The following IDUA variants were observed in gnomAD, a reference collection of about 807,000 sequenced individuals.
The protein encoded by IDUA is iduronidase alpha-L-.
IDUA carries 65 observed loss-of-function variants against 68.9 expected under a neutral mutation model. The ratio of observed to expected loss-of-function variants is 0.94; its 90% CI spans 0.77 to 1.16. The LOEUF (loss-of-function observed/expected upper bound fraction) is 1.16. IDUA is among the 50% of genes most tolerant of loss of function. IDUA has a pLI of 0.00. For missense variants in IDUA, 1,046 were observed against 938.0 expected (o/e 1.12, Z -1.50); for synonymous variants, 529 against 433.6 (o/e 1.22, Z -2.73).
Position 987,889 on chromosome 4 carries a change from T to C in IDUA, c.239T>C (p.Val80Ala), listed in dbSNP as rs1283637061. Residue 80 changes from valine to alanine, a missense_variant, in exon 2 of 14, where the codon GTC (valine) becomes GCC (alanine). Physicochemically the swap from Val to Ala is moderately conservative, Grantham distance 64. Transcript: ENST00000514224. Reference protein sequence around the residue: ...QQLNLAYVGAVPHRGIKQVRT... With the variant: ...QQLNLAYVGAAPHRGIKQVRT... ...CTCAACCTCGCCTATGTGGGCGCCG[T>C]CCCTCACCGCGGCATCAAGCAGGTC... 1 of 1,610,692 alleles carries C rather than the reference T, an allele frequency of 6.2e-7. No homozygotes were observed. The highest frequency in any genetic ancestry group is 8.5e-7 in the Non-Finnish European group (1 of 1,179,214).
At position 987,792 on chromosome 4, in the gene IDUA, C is replaced by T; in HGVS notation, c.159-17C>T. The T allele has an allele frequency of 1.9e-6, 3 of 1,611,964 alleles. No homozygotes were observed. The highest frequency in any genetic ancestry group is 2.5e-6 in the Non-Finnish European group (3 of 1,179,734). ...ATGCTGAGGCTCGGGACTGAGCCGC[C>T]CCTTTGTTGTCCCCAGCCCCCCGCT... is the stretch of plus-strand genomic sequence containing the variant. On this transcript the variant is annotated splice_polypyrimidine_tract_variant and intron_variant, in intron 1 of 13. Coordinates refer to ENST00000514224, the MANE Select transcript of IDUA (RefSeq NM_000203.5).
In IDUA at chr4:1,001,511, GTGGAA is replaced by G; in HGVS notation, c.540_544del (p.Trp180Ter). 3.7e-6 allele frequency: 6 copies of G among 1,613,238 alleles called. No homozygotes were observed. Among genetic ancestry groups the G allele is most frequent in the Non-Finnish European group, 5.1e-6 (6 of 1,179,966 alleles). ...ATGTTTCCAAGTGGAACTTCGAGAC[GTGGAA>G]TGAGCCAGACCACCACGACTTTGAC... On this transcript the variant is annotated frameshift_variant, in exon 5 of 14. Coordinates refer to ENST00000514224, the MANE Select transcript of IDUA (RefSeq NM_000203.5). LOFTEE classifies it high-confidence loss of function.
At chr4:987,599 C>T (rs886295304) in intron 1 of IDUA, 4 of 1,422,166 alleles carry the variant, frequency 2.8e-6, no homozygotes, top group Non-Finnish European at 3.7e-6. Flanking sequence ...CCAGGGCTGG[C>T]GTTGGCCCCT....
chr4:990,225 C>T, intron 2 of IDUA: 1 of 1,569,202 alleles, frequency 6.4e-7, no homozygotes, highest in Non-Finnish European at 8.6e-7. Context: ...GCCCCTGGTG[C>T]CGCGGGATCC....
At chr4:989,539 C>T in intron 2 of IDUA, 2 of 1,564,436 alleles carry the variant, frequency 1.3e-6, no homozygotes, top group Non-Finnish European at 1.7e-6. Flanking sequence ...GTCAGCCGGG[C>T]TCATCCGCCA....
In IDUA at chr4:1,003,543, C is replaced by T. The variant is rs1268730017; in HGVS notation, c.1651-6C>T. The T allele has an allele frequency of 6.2e-7, 1 of 1,611,408 alleles. No homozygotes were observed. Among genetic ancestry groups the T allele is most frequent in the Non-Finnish European group, 8.5e-7 (1 of 1,179,724 alleles). ...CCGACGCCATCACAGCCCTTCCCTC[C>T]CCCAGGTCACGCGGCTCCGCGCCCT... On this transcript the variant is annotated splice_polypyrimidine_tract_variant and splice_region_variant and intron_variant, in intron 11 of 13. Transcript: ENST00000514224.
rs772448566 is a variant in IDUA at position 1,002,350 on chromosome 4, T to C, written c.1054T>C (p.Phe352Leu). The change falls in exon 8 of 14, where the codon TTC becomes CTC. Residue 352 changes from phenylalanine (F) to leucine (L), a missense_variant. Physicochemically the swap from Phe to Leu is conservative, Grantham distance 22. Transcript: ENST00000514224. ...PYALLSNDNAFLSYHPHPFAQ... is the reference protein window; with the variant it reads ...PYALLSNDNALLSYHPHPFAQ... ...CGCGCTCCTGAGCAACGACAATGCCTTCCTGAGCTACCACCCGCACCCCTT... is the reference window on the plus strand; with the variant it reads ...CGCGCTCCTGAGCAACGACAATGCCCTCCTGAGCTACCACCCGCACCCCTT... 6.2e-7 allele frequency: 1 copy of C among 1,613,066 alleles called. No homozygotes were observed. The highest frequency in any genetic ancestry group is 8.5e-7 in the Non-Finnish European group (1 of 1,179,672).
chr4:997,653 C>T (rs1037683285), intron 2 of IDUA, among the ~76,000 whole-genome samples: 3 of 152,208 alleles, frequency 2.0e-5, no homozygotes, highest in Admixed American at 6.5e-5. Context: ...GGCTCGTCTG[C>T]GTCTCCGGCC....
At position 988,161 on chromosome 4, in the gene IDUA, C is replaced by G; in HGVS notation, c.299+212C>G. 3.6e-6 allele frequency: 5 copies of G among 1,396,946 alleles called. No homozygotes were observed. The South Asian group carries it at 6.5e-5, about 18-fold the overall frequency. The allele number at this position is 1,396,946 out of a possible 1,614,324, so 86.5% of individuals were successfully genotyped here. A position where few individuals can be genotyped will look rare whatever the true frequency, so the allele number is the denominator to read the frequency against. On this transcript the variant is annotated intron_variant, in intron 2 of 13. Transcript: ENST00000514224. ...GGGGCACGGTGGGCTTCCTGCAGGT[C>G]TCCCTGCAGGCTCAGGGTTGGCTGC...
chr4:1,002,171 C>T lies in IDUA; in HGVS notation c.972+10C>T. On this transcript the variant is annotated intron_variant, in intron 7 of 13. Transcript: ENST00000514224. ...GGCCATGGTGGTGAAGGTGGGCCGGCCCAACGCCCTGCGCGCCCCCCGGCC... is the reference window on the plus strand; with the variant it reads ...GGCCATGGTGGTGAAGGTGGGCCGGTCCAACGCCCTGCGCGCCCCCCGGCC... 7.7e-6 allele frequency: 12 copies of T among 1,556,558 alleles called. No homozygotes were observed. The highest frequency in any genetic ancestry group is 9.6e-6 in the Non-Finnish European group (11 of 1,150,674).
intron 2 of IDUA, chr4:990,773 TC>T (rs1355658169): frequency 2.7e-6 from 1 of 375,210 alleles, no homozygotes; most frequent in East Asian, 4.6e-5. Context: ...CAGGAGACCT[TC>T]GGGGGTGGGG....
chr4:1,003,413 G>A lies in IDUA; in HGVS notation c.1593G>A (p.Arg531=). The stretch of plus-strand genomic sequence containing the variant: ...GCCTGACCCTGCGCCCCGCGCTGCG[G>A]CTGCCGTCGCTTTTGCTGGTGCACG... ...GGRLTLRPAL[R]LPSLLLVHVC... is the part of the protein sequence containing the mutation. Residue 531 remains arginine, a synonymous_variant, in exon 11 of 14, where the codon CGG becomes CGA. Transcript: ENST00000514224. 3 of 1,526,840 alleles carry A rather than the reference G, an allele frequency of 2.0e-6. No individual in the cohort carries two copies. Among genetic ancestry groups the A allele is most frequent in the South Asian group, 2.4e-5 (2 of 83,316 alleles). The allele number at this position is 1,526,840 out of a possible 1,614,324, so 94.6% of individuals were successfully genotyped here.
Position 1,004,329 on chromosome 4 carries a change from C to A in IDUA, c.1898C>A (p.Ser633Ter), listed in dbSNP as rs886043347. Residue 633 changes from serine (S) to a stop codon, truncating the protein, a stop_gained, in exon 14 of 14, where the codon TCG becomes TAG. Coordinates refer to ENST00000514224, the MANE Select transcript of IDUA (RefSeq NM_000203.5). LOFTEE classifies it low-confidence loss of function (END_TRUNC). The surrounding 1 kb of genome is among the most constrained non-coding windows in gnomAD (Gnocchi z 5.0). ...TACTGGGCCCGACCAGGCCCCTTCT[C>A]GGACCCTGTGCCGTACCTGGAGGTC... ...LDYWARPGPFSDPVPYLEVPV... is the reference protein window; with the variant it reads ...LDYWARPGPF 3 of 1,611,776 alleles carry A rather than the reference C, an allele frequency of 1.9e-6. No homozygotes were observed. The highest frequency in any genetic ancestry group is 2.5e-6 in the Non-Finnish European group (3 of 1,179,922).
At chr4:994,805 T>C (rs961438037) in intron 2 of IDUA, among the ~76,000 whole-genome samples, 3 of 152,034 alleles carry the variant, frequency 2.0e-5, no homozygotes, top group Non-Finnish European at 2.9e-5. Flanking sequence ...TGTGTGCCTG[T>C]ATCCCAGCTA....
At chr4:987,571 T>C in intron 1 of IDUA, 1 of 1,351,866 alleles carries the variant, frequency 7.4e-7, no homozygotes, top group Non-Finnish European at 9.8e-7. Flanking sequence ...GGTACCCGCC[T>C]TCCTGGCAGG....
chr4:989,611 G>C, intron 2 of IDUA: 1 of 1,602,348 alleles, frequency 6.2e-7, no homozygotes. Context: ...GATGACGCAG[G>C]CCAGCACGCT....
intron 2 of IDUA, chr4:988,395 G>C: frequency 9.4e-7 from 1 of 1,059,356 alleles, no homozygotes; most frequent in Non-Finnish European, 1.1e-6. Flanking sequence ...GAAACACAGA[G>C]ACCCTCGTGC....
intron 10 of IDUA, 78 bp from the exon 11 acceptor site, chr4:1,003,267 C>T: frequency 7.4e-7 from 1 of 1,347,538 alleles, no homozygotes; most frequent in Non-Finnish European, 9.5e-7. Context: ...AGCGGTGGGC[C>T]GGGGGCGTTC....
intron 12 of IDUA, 157 bp from the exon 13 acceptor site, chr4:1,003,855 C>T: frequency 2.4e-6 from 2 of 826,146 alleles, no homozygotes; most frequent in South Asian, 1.4e-5. Context: ...GGCTCCAGCC[C>T]TCTCCTGCCT....
Sources: gnomAD v4.1 joint callset for allele counts (sites outside exome capture counted in the v4.1 genomes callset) on GRCh38, gnomAD v4.1.1 for gene constraint, Gnocchi (gnomAD v3.1) non-coding constraint, MANE v1.5 for transcripts, NCBI Gene and HGNC (gene_info 2026-07-23, HGNC 2026-07-21) for gene names.